NHS: variants seen among roughly 807,000 people sequenced by gnomAD.
NHS encodes actin remodeling regulator NHS.
In NHS, 5 loss-of-function variants were observed where a neutral mutation model predicts 72.5. The observed-to-expected ratio is 0.07, with a 90% CI of 0.04 to 0.14. NHS has a LOEUF of 0.14. NHS is among the 10% of genes least tolerant of loss of function. The probability of loss-of-function intolerance (pLI) is 1.00; values close to 1 mark genes in which losing one functional copy is unlikely to be tolerated. For missense variants in NHS, 1,072 were observed against 1,355.7 expected, an observed-to-expected ratio of 0.79 and a Z score of 3.29; for synonymous variants, 464 against 547.7, an observed-to-expected ratio of 0.85 and a Z score of 2.13.
chrX:17,570,819 C>T (rs2065474015), intron 1 of NHS, among the ~76,000 whole-genome samples: 1 of 111,672 alleles, frequency 9.0e-6, no homozygotes, highest in Non-Finnish European at 1.9e-5. Context: ...TCATAAATAG[C>T]TCTTATTATG....
chrX:17,556,635 A>G (rs189252154), intron 1 of NHS, among the ~76,000 whole-genome samples: 21 of 112,897 alleles, frequency 1.9e-4, no homozygotes, highest in African/African-American at 6.7e-4. Flanking sequence ...TAATTTTCCC[A>G]AAGCTGTACT....
At chrX:17,422,003 C>A (rs1185066823) in intron 1 of NHS, among the ~76,000 whole-genome samples, 1 of 112,025 alleles carries the variant, frequency 8.9e-6, no homozygotes, top group Non-Finnish European at 1.9e-5. Context: ...TCTATGGGAC[C>A]ACAAATCAGA....
chrX:17,705,146 CCT>C (rs1008546618), intron 3 of NHS, among the ~76,000 whole-genome samples: 5 of 111,634 alleles, frequency 4.5e-5, no homozygotes, highest in African/African-American at 1.3e-4. Flanking sequence ...TCTGTAATGC[CCT>C]GTTTGCATCA....
chrX:17,393,309 A>C (rs1250606426), intron 1 of NHS, among the ~76,000 whole-genome samples: 1 of 112,107 alleles, frequency 8.9e-6, no homozygotes, highest in Non-Finnish European at 1.9e-5. Flanking sequence ...AAAAGCTTTG[A>C]TCTGTTTTTC....
In NHS at chrX:17,562,156, G is replaced by A. The variant is rs769706829; in HGVS notation, c.566-125586G>A. On this transcript the variant is annotated intron_variant, in intron 1 of 8. Transcript: ENST00000676302. ...AGCAAACCCTAAAACAAGACCTCAA[G>A]TGTAAGCAGTTTATTTGAGAGGTGG... Among the ~76,000 whole-genome samples, 4 of 111,522 alleles carry A rather than the reference G, an allele frequency of 3.6e-5. No individual in the cohort carries two copies. In the South Asian group the frequency reaches 1.5e-3, roughly 43 times the overall value.
chrX:17,541,873 C>T (rs932442052), intron 1 of NHS, among the ~76,000 whole-genome samples: 2 of 108,843 alleles, frequency 1.8e-5, no homozygotes, highest in African/African-American at 6.8e-5. Flanking sequence ...ATTGAGACAA[C>T]TTTGAGGTGT....
chrX:17,497,499 C>T (rs752535775), intron 1 of NHS, among the ~76,000 whole-genome samples: 5 of 111,724 alleles, frequency 4.5e-5, no homozygotes, highest in East Asian at 2.8e-4. Flanking sequence ...GTTTCTCCCA[C>T]GCCTGCTTTC....
intron 1 of NHS, among the ~76,000 whole-genome samples, chrX:17,589,288 T>C (rs746060040): frequency 1.8e-5 from 2 of 111,594 alleles, no homozygotes; most frequent in East Asian, 5.6e-4. Flanking sequence ...GAACCCAATT[T>C]GAAGTCCTTT....
At chrX:17,548,515 A>G (rs1011776310) in intron 1 of NHS, among the ~76,000 whole-genome samples, 2 of 111,280 alleles carry the variant, frequency 1.8e-5, no homozygotes, top group African/African-American at 6.6e-5. Flanking sequence ...AGATGAATTT[A>G]CTACAGGAGA....
rs969211790 is a variant in NHS, at chrX:17,680,410, T to C, written c.566-7332T>C. Among the ~76,000 whole-genome samples the C allele has an allele frequency of 2.7e-5, 3 of 111,650 alleles. No individual in the cohort carries two copies. In the Admixed American group the frequency reaches 2.8e-4, roughly 11 times the overall value. On this transcript the variant is annotated intron_variant, in intron 1 of 8. Coordinates refer to ENST00000676302, the MANE Select transcript of NHS (RefSeq NM_001291867.2). The stretch of plus-strand genomic sequence containing the variant: ...TTTTCTCATCAGCACATGAAAGGAG[T>C]GGCCTAAACAGTGGCTTTCACAGTG...
chrX:17,600,739 G>T (rs1034231542), intron 1 of NHS, among the ~76,000 whole-genome samples: 2 of 111,036 alleles, frequency 1.8e-5, no homozygotes, highest in Non-Finnish European at 3.8e-5. Context: ...TGGTGAGTGG[G>T]GGAGGGAGGA....
chrX:17,625,072 A>G (rs1007571401), intron 1 of NHS, among the ~76,000 whole-genome samples: 4 of 112,604 alleles, frequency 3.6e-5, no homozygotes, highest in African/African-American at 1.3e-4. Context: ...CAATAATTAC[A>G]TATACTACAT....
intron 1 of NHS, among the ~76,000 whole-genome samples, chrX:17,438,229 TG>T (rs1459611952): frequency 1.8e-5 from 2 of 111,925 alleles, no homozygotes; most frequent in African/African-American, 6.5e-5. Flanking sequence ...CCAGTTGTGT[TG>T]GTCTGTGAAC....
intron 1 of NHS, among the ~76,000 whole-genome samples, chrX:17,463,745 G>A (rs1184104346): frequency 8.9e-6 from 1 of 112,082 alleles, no homozygotes; most frequent in African/African-American, 3.2e-5. Flanking sequence ...ATACATGGGA[G>A]CCTTCAGGAT....
chrX:17,496,929 GC>G (rs2065015465), intron 1 of NHS, among the ~76,000 whole-genome samples: 1 of 111,812 alleles, frequency 8.9e-6, no homozygotes. Context: ...GATATCTGAT[GC>G]CCTTAAACTA....
chrX:17,537,953 A>G (rs1443353853), intron 1 of NHS, among the ~76,000 whole-genome samples: 1 of 111,958 alleles, frequency 8.9e-6, no homozygotes, highest in Admixed American at 9.4e-5. Flanking sequence ...CAGCACATCC[A>G]CAGGAAGGGA....
At chrX:17,528,827 TTCTA>T (rs1289413884) in intron 1 of NHS, 3 of 111,956 alleles carry the variant, frequency 2.7e-5, no homozygotes, top group Admixed American at 9.4e-5. Flanking sequence ...TCTTGGAGTG[TTCTA>T]GGTCTGTCAT....
intron 1 of NHS, among the ~76,000 whole-genome samples, chrX:17,481,259 G>A (rs2064944907): frequency 9.0e-6 from 1 of 111,605 alleles, no homozygotes; most frequent in Admixed American, 9.6e-5. Context: ...ACTTTAATAA[G>A]CCATGGGAGT....
chrX:17,432,704 C>G (rs185628362), intron 1 of NHS, among the ~76,000 whole-genome samples: 1 of 110,954 alleles, frequency 9.0e-6, no homozygotes, highest in Non-Finnish European at 1.9e-5. Flanking sequence ...AATTCATCCC[C>G]TTTGGAAACA....
Sources: allele counts gnomAD v4.1 joint callset (sites outside exome capture counted in the v4.1 genomes callset), GRCh38; gene constraint gnomAD v4.1.1; transcripts MANE v1.5; gene names NCBI Gene and HGNC (gene_info 2026-07-23, HGNC 2026-07-21).